The following NGEF variants were observed in gnomAD, a reference collection of about 807,000 sequenced individuals.
NGEF encodes the protein neuronal guanine nucleotide exchange factor, also known as ephexin-1.
NGEF carries 31 observed loss-of-function variants against 80.9 expected under a neutral mutation model. That is an observed-to-expected ratio of 0.38 (90% CI 0.29 to 0.52). The LOEUF is 0.52. NGEF is among the 20% of genes least tolerant of loss of function. The pLI, the probability that NGEF is intolerant of heterozygous loss-of-function variation, is 0.84. For missense variants in NGEF, 709 were observed against 926.2 expected (o/e 0.77, Z 3.04); for synonymous variants, 371 against 370.2 (o/e 1.00, Z -0.03).
intron 5 of NGEF, among the ~76,000 whole-genome samples, chr2:232,895,398 A>G (rs1380973053): frequency 6.6e-6 from 1 of 152,028 alleles, no homozygotes; most frequent in African/African-American, 2.4e-5. Flanking sequence ...GTGGTAGCAC[A>G]TGCCTGTAAT....
At chr2:232,880,760 A>G (rs1163022436) in intron 14 of NGEF, among the ~76,000 whole-genome samples, 1 of 27,434 alleles carries the variant, frequency 3.6e-5, no homozygotes, top group Admixed American at 3.8e-4. Context: ...CTTTACCTGA[A>G]GCTGCAAGTA....
intron 4 of NGEF, among the ~76,000 whole-genome samples, chr2:232,925,468 C>T (rs1045909048): frequency 6.6e-6 from 1 of 152,218 alleles, no homozygotes; most frequent in African/African-American, 2.4e-5. Flanking sequence ...CTCAGAACAT[C>T]AGATGCCCTG....
At chr2:232,887,717 C>T (rs1691736478) in intron 9 of NGEF, among the ~76,000 whole-genome samples, 1 of 152,160 alleles carries the variant, frequency 6.6e-6, no homozygotes, top group Non-Finnish European at 1.5e-5. Context: ...TGCATGATCG[C>T]AGAGCTCCAC....
At chr2:232,982,949 C>T (rs533364583) in intron 1 of NGEF, among the ~76,000 whole-genome samples, 1 of 152,182 alleles carries the variant, frequency 6.6e-6, no homozygotes, top group Non-Finnish European at 1.5e-5. Flanking sequence ...GACAGTGGCC[C>T]CAGAAGACGC....
intron 1 of NGEF, among the ~76,000 whole-genome samples, chr2:232,994,261 T>A (rs1324660009): frequency 4.0e-5 from 6 of 151,574 alleles, no homozygotes; most frequent in Non-Finnish European, 1.5e-5. Context: ...TCTCAGCTAC[T>A]CAGGGGGCTG....
intron 3 of NGEF, among the ~76,000 whole-genome samples, chr2:232,953,216 C>T (rs1258416977): frequency 6.8e-6 from 1 of 146,746 alleles, no homozygotes; most frequent in Non-Finnish European, 1.5e-5. Context: ...GCAGGAGAAT[C>T]GCTGAAACCC....
At chr2:233,010,343 G>A (rs530083605) in intron 1 of NGEF, among the ~76,000 whole-genome samples, 12 of 152,332 alleles carry the variant, frequency 7.9e-5, no homozygotes, top group African/African-American at 2.6e-4. Context: ...AGAACCTGGA[G>A]CATTCATTCT....
chr2:232,965,921 C>T (rs1353116076), intron 3 of NGEF, among the ~76,000 whole-genome samples: 1 of 152,072 alleles, frequency 6.6e-6, no homozygotes, highest in Non-Finnish European at 1.5e-5. Flanking sequence ...GGAAGGGGCT[C>T]ATTTCTTCCT....
intron 3 of NGEF, among the ~76,000 whole-genome samples, chr2:232,945,182 T>C (rs116150385): frequency 0.012 from 1,891 of 152,266 alleles, 17 homozygotes; most frequent in South Asian, 0.027. Flanking sequence ...ATAACATTGA[T>C]AACATAACCC....
intron 3 of NGEF, among the ~76,000 whole-genome samples, chr2:232,953,559 A>G (rs966922109): frequency 1.3e-5 from 2 of 151,496 alleles, no homozygotes; most frequent in African/African-American, 2.4e-5. Flanking sequence ...ACTGATATAC[A>G]TTCCTTTATG....
chr2:232,993,621 G>A (rs567513583), intron 1 of NGEF, among the ~76,000 whole-genome samples: 30 of 152,224 alleles, frequency 2.0e-4, no homozygotes, highest in African/African-American at 2.4e-5. Context: ...ATGTACACAC[G>A]TGTTTATAGC....
chr2:232,994,896 A>AATAC (rs1694745091), intron 1 of NGEF, among the ~76,000 whole-genome samples: 1 of 150,306 alleles, frequency 6.7e-6, no homozygotes, highest in Non-Finnish European at 1.5e-5. Context: ...ACATGCATAT[A>AATAC]ATACATACAT....
intron 1 of NGEF, among the ~76,000 whole-genome samples, chr2:232,995,618 C>CT (rs376826955): frequency 3.5e-3 from 231 of 66,788 alleles, no homozygotes; most frequent in Non-Finnish European, 5.6e-3. Flanking sequence ...AGTATGTATA[C>CT]GTATGTATAC....
chr2:232,879,576 C>T lies in NGEF; in HGVS notation c.2046G>A (p.Lys682=). 4 of 1,613,926 alleles carry T rather than the reference C, an allele frequency of 2.5e-6. No individual in the cohort carries two copies. Among genetic ancestry groups the T allele is most frequent in the Non-Finnish European group, 3.4e-6 (4 of 1,180,002 alleles). The stretch of plus-strand genomic sequence containing the variant: ...CCATCTTGTGGACACGGAAACATTC[C>T]TTGAGGTTCTGGGACCGGATCTTGG... The part of the protein sequence containing the change: ...LNPKIRSQNL[K]ECFRVHKMDD... Residue 682 remains lysine, a synonymous_variant, in exon 15 of 15, where the codon AAG becomes AAA. Coordinates refer to ENST00000264051, the MANE Select transcript of NGEF (RefSeq NM_019850.3).
rs561283462 is a variant in NGEF at position 232,927,613 on chromosome 2, G to A, written c.384-427C>T. ...CCCCAGGCCACACGGCGCGGAAAGG[G>A]GATGCCGAGCGGGACGCGCACGACC... is the stretch of plus-strand genomic sequence containing the variant. On this transcript the variant is annotated intron_variant, in intron 3 of 14. Coordinates refer to ENST00000264051, the MANE Select transcript of NGEF (RefSeq NM_019850.3). Among the ~76,000 whole-genome samples the A allele has an allele frequency of 1.2e-3, 178 of 152,214 alleles. 1 individual carries two copies. The highest frequency in any genetic ancestry group is 4.3e-3 in the African/African-American group (177 of 41,554).
At chr2:232,966,519 C>T (rs1033616946) in intron 3 of NGEF, among the ~76,000 whole-genome samples, 19 of 152,160 alleles carry the variant, frequency 1.2e-4, no homozygotes, top group Non-Finnish European at 2.4e-4. Context: ...CCCCAGATTC[C>T]AGAGATTTCC....
rs1436369403 is a variant in NGEF at position 232,879,387 on chromosome 2, C to T, written c.*102G>A. 2.8e-5 allele frequency: 34 copies of T among 1,229,478 alleles called. 1 individual carries two copies. The Admixed American group carries it at 6.6e-4, about 24-fold the overall frequency. The allele number at this position is 1,229,478 out of a possible 1,614,324, so 76.2% of individuals were successfully genotyped here. On this transcript the variant is annotated 3_prime_UTR_variant, in exon 15 of 15. Transcript: ENST00000264051. Reference sequence around the variant, plus strand: ...CCGGGCACCCCAAGCCAGATCCTGCCACCTGGGGAGGTGCTGGCCTGTGCT... The same window carrying T: ...CCGGGCACCCCAAGCCAGATCCTGCTACCTGGGGAGGTGCTGGCCTGTGCT...
At chr2:232,926,961 C>G (rs1201429342) in intron 4 of NGEF, 83 bp downstream of exon 4, 1 of 1,551,068 alleles carries the variant, frequency 6.4e-7, no homozygotes, top group African/African-American at 1.4e-5. Flanking sequence ...AACACAACGG[C>G]ATCCCATGAG....
chr2:232,952,742 C>T (rs891093441), intron 3 of NGEF, among the ~76,000 whole-genome samples: 5 of 151,466 alleles, frequency 3.3e-5, no homozygotes, highest in Non-Finnish European at 4.4e-5. Context: ...CCGAGGCAGG[C>T]GGATCACCTG....
Sources: allele counts gnomAD v4.1 joint callset (sites outside exome capture counted in the v4.1 genomes callset), GRCh38; gene constraint gnomAD v4.1.1; transcripts MANE v1.5; gene names NCBI Gene and HGNC (gene_info 2026-07-23, HGNC 2026-07-21).